Variants in LRMDA observed in about 807,000 individuals in gnomAD.
The protein encoded by LRMDA is leucine rich melanocyte differentiation associated, also known as leucine-rich melanocyte differentiation-associated protein.
A neutral mutation model predicts 29.8 loss-of-function variants in LRMDA; 18 were observed. The ratio of observed to expected loss-of-function variants is 0.60; its 90% CI spans 0.42 to 0.90. The LOEUF is 0.90. LRMDA is among the 40% of genes least tolerant of loss of function. The pLI, the probability that LRMDA is intolerant of heterozygous loss-of-function variation, is 0.00. For missense variants in LRMDA, 273 were observed against 273.9 expected (o/e 1.00, Z 0.02); for synonymous variants, 125 against 109.4 (o/e 1.14, Z -0.89).
intron 5 of LRMDA, among the ~76,000 whole-genome samples, chr10:76,176,670 G>C (rs1026055562): frequency 2.6e-5 from 4 of 152,194 alleles, no homozygotes; most frequent in African/African-American, 9.6e-5. Flanking sequence ...GCAGGCACCT[G>C]TAATCCCAGT....
intron 2 of LRMDA, among the ~76,000 whole-genome samples, chr10:75,534,857 G>A (rs1001040554): frequency 4.1e-4 from 62 of 152,188 alleles, no homozygotes; most frequent in African/African-American, 1.4e-3. Context: ...ATTAGGGTTT[G>A]TACTTAGGTA....
At chr10:75,668,153 A>G (rs903749871) in intron 2 of LRMDA, among the ~76,000 whole-genome samples, 4 of 152,320 alleles carry the variant, frequency 2.6e-5, no homozygotes, top group African/African-American at 9.6e-5. Context: ...TGTGACCTGT[A>G]CCATACCTGC....
At chr10:75,518,726 T>C (rs1394345801) in intron 2 of LRMDA, among the ~76,000 whole-genome samples, 1 of 152,228 alleles carries the variant, frequency 6.6e-6, no homozygotes, top group Non-Finnish European at 1.5e-5. Context: ...ATCTTAGTTA[T>C]TTCTTGCCTT....
At chr10:76,346,398 G>A (rs1232286554) in intron 6 of LRMDA, 2 of 152,172 alleles carry the variant, frequency 1.3e-5, no homozygotes, top group East Asian at 3.8e-4. Flanking sequence ...GTGATAAATT[G>A]TTTCTGTGAA....
chr10:75,808,976 A>G (rs1170607506), intron 2 of LRMDA, among the ~76,000 whole-genome samples: 1 of 152,168 alleles, frequency 6.6e-6, no homozygotes, highest in Admixed American at 6.5e-5. Flanking sequence ...CTCACCTGCC[A>G]TTAGTTCCCA....
At chr10:76,460,659 A>T (rs1437325072) in intron 6 of LRMDA, among the ~76,000 whole-genome samples, 1 of 152,236 alleles carries the variant, frequency 6.6e-6, no homozygotes, top group East Asian at 1.9e-4. Flanking sequence ...CAGGGTGGTC[A>T]CACAGAAGTG....
intron 2 of LRMDA, among the ~76,000 whole-genome samples, chr10:75,854,879 C>T (rs1375054295): frequency 6.6e-6 from 1 of 152,122 alleles, no homozygotes; most frequent in Non-Finnish European, 1.5e-5. Flanking sequence ...CATCCATGTC[C>T]CTAAAAAGGA....
intron 2 of LRMDA, among the ~76,000 whole-genome samples, chr10:75,528,762 A>G (rs987372169): frequency 1.3e-5 from 2 of 152,244 alleles, no homozygotes; most frequent in African/African-American, 4.8e-5. Flanking sequence ...CAAGAAAGAA[A>G]GGAAGAAACT....
At chr10:76,391,711 C>G (rs902623084) in intron 6 of LRMDA, among the ~76,000 whole-genome samples, 1 of 152,172 alleles carries the variant, frequency 6.6e-6, no homozygotes, top group Non-Finnish European at 1.5e-5. Context: ...TCCACTCTTT[C>G]TTTAATCAAA....
At chr10:75,632,724 A>G (rs1358073378) in intron 2 of LRMDA, among the ~76,000 whole-genome samples, 2 of 150,956 alleles carry the variant, frequency 1.3e-5, no homozygotes, top group Admixed American at 1.3e-4. Context: ...TTTCTGATGC[A>G]GAAAGGCTGA....
chr10:75,893,433 T>C (rs1845528631), intron 2 of LRMDA, among the ~76,000 whole-genome samples: 1 of 152,188 alleles, frequency 6.6e-6, no homozygotes, highest in African/African-American at 2.4e-5. Context: ...TCAGAGACTT[T>C]CCAGTCTAGA....
chr10:75,824,976 A>C (rs1219276230), intron 2 of LRMDA, among the ~76,000 whole-genome samples: 2 of 152,210 alleles, frequency 1.3e-5, no homozygotes, highest in African/African-American at 2.4e-5. Context: ...TTTAGACCCA[A>C]GAGGTTTCAT....
chr10:75,993,418 T>C (rs1305970663), intron 2 of LRMDA, among the ~76,000 whole-genome samples: 1 of 152,176 alleles, frequency 6.6e-6, no homozygotes, highest in Non-Finnish European at 1.5e-5. Flanking sequence ...GTTGCTGTTA[T>C]TGTTATCCCC....
At chr10:76,061,073 G>T (rs111984122) in intron 5 of LRMDA, among the ~76,000 whole-genome samples, 39 of 152,152 alleles carry the variant, frequency 2.6e-4, no homozygotes, top group African/African-American at 8.4e-4. Context: ...CATACATGTG[G>T]ATATTCCCAG....
chr10:75,772,741 C>T (rs1389538284), intron 2 of LRMDA, among the ~76,000 whole-genome samples: 2 of 151,932 alleles, frequency 1.3e-5, no homozygotes, highest in Non-Finnish European at 2.9e-5. Context: ...AATGTACTGG[C>T]TTTCAATATC....
chr10:75,795,710 T>C (rs545727613), intron 2 of LRMDA, among the ~76,000 whole-genome samples: 1 of 151,938 alleles, frequency 6.6e-6, no homozygotes, highest in South Asian at 2.1e-4. Context: ...ATCTTTCACC[T>C]GTTCTTTGGG....
In LRMDA at chr10:75,633,168, G is replaced by A. The variant is rs897287239; in HGVS notation, c.131+194674G>A. Among the ~76,000 whole-genome samples the A allele has an allele frequency of 9.2e-5, 14 of 152,236 alleles. No individual in the cohort carries two copies. The East Asian group carries it at 2.7e-3, about 29-fold the overall frequency. ...GCTTTTCTTTTCACAGCCTTTGTGC[G>A]CACATTCTTTTAGATCCTGGCCTGG... On this transcript the variant is annotated intron_variant, in intron 2 of 6. Coordinates refer to ENST00000611255, the MANE Select transcript of LRMDA (RefSeq NM_001305581.2).
chr10:75,918,488 C>G (rs570026799), intron 2 of LRMDA, among the ~76,000 whole-genome samples: 5 of 152,120 alleles, frequency 3.3e-5, no homozygotes, highest in African/African-American at 7.2e-5. Context: ...TTCAAATAAC[C>G]AGATCTCGCA....
chr10:76,260,827 G>A (rs1042884997), intron 5 of LRMDA: 22 of 152,128 alleles, frequency 1.4e-4, no homozygotes, highest in African/African-American at 5.3e-4. Context: ...AAATTCATAT[G>A]CCATCCTTGT....
Sources: gnomAD v4.1 joint callset for allele counts (sites outside exome capture counted in the v4.1 genomes callset) on GRCh38, gnomAD v4.1.1 for gene constraint, MANE v1.5 for transcripts, NCBI Gene and HGNC (gene_info 2026-07-23, HGNC 2026-07-21) for gene names.